Variants in TFDP2 observed in about 807,000 individuals in gnomAD.
TFDP2 encodes the protein transcription factor Dp-2 (E2F dimerization partner 2).
TFDP2 carries 17 observed loss-of-function variants against 59.3 expected under a neutral mutation model. The observed-to-expected ratio is 0.29, with a 90% CI of 0.20 to 0.43. The LOEUF (loss-of-function observed/expected upper bound fraction) is 0.43. Among genes scored for constraint, TFDP2 ranks in the 20% least tolerant of loss-of-function variants. TFDP2 has a pLI of 1.00. For synonymous variants in TFDP2, 180 were observed against 194.7 expected (o/e 0.92, Z 0.63); for missense variants, 391 against 528.8 (o/e 0.74, Z 2.56).
At chr3:142,031,121 A>T (rs1946412722) in intron 3 of TFDP2, among the ~76,000 whole-genome samples, 1 of 152,238 alleles carries the variant, frequency 6.6e-6, no homozygotes, top group African/African-American at 2.4e-5. Context: ...ACAAGTTAAA[A>T]TATAAACTAT....
At chr3:142,138,360 C>G (rs1236617923) in intron 1 of TFDP2, among the ~76,000 whole-genome samples, 3 of 152,118 alleles carry the variant, frequency 2.0e-5, no homozygotes, top group Non-Finnish European at 2.9e-5. Flanking sequence ...TTTTTTGTGT[C>G]TCTATCTCCT....
In TFDP2 at chr3:141,993,549, A is replaced by C. The variant is rs1368408546; in HGVS notation, c.345T>G (p.Asp115Glu). Residue 115 changes from aspartate (D) to glutamate (E), a missense_variant, in exon 6 of 13, where the codon GAT becomes GAG. Around this residue, in one of 3 missense-constraint regions of TFDP2, gnomAD observed 162 missense variants for 206.8 expected, o/e 0.78. Coordinates refer to ENST00000489671, the MANE Select transcript of TFDP2 (RefSeq NM_001178139.2). ...AGACTTATACTCACCTTTCTGAAAA[A>C]TCAGAGTCTATAAATTTTCTAGCCC... is the stretch of plus-strand genomic sequence containing the variant. ...RKRARKFIDS[D>E]FSESKRSKKG... 9 of 1,582,946 alleles carry C rather than the reference A, an allele frequency of 5.7e-6. No homozygotes were observed. The highest frequency in any genetic ancestry group is 7.8e-6 in the Non-Finnish European group (9 of 1,159,566).
At position 142,149,270 on chromosome 3, in the gene TFDP2, G is replaced by T; in HGVS notation, c.-180C>A. On this transcript the variant is annotated 5_prime_UTR_variant, in exon 1 of 13. Coordinates refer to ENST00000489671, the MANE Select transcript of TFDP2 (RefSeq NM_001178139.2). ...CTTCGGGCGCCGCCGCTTCTGTGGCGCCCGCGCTTAGGCGGCGGCCGGGTC... is the reference window on the plus strand; with the variant it reads ...CTTCGGGCGCCGCCGCTTCTGTGGCTCCCGCGCTTAGGCGGCGGCCGGGTC... The T allele has an allele frequency of 2.5e-6, 1 of 396,818 alleles. No homozygotes were observed. Among genetic ancestry groups the T allele is most frequent in the African/African-American group, 2.1e-5 (1 of 48,624 alleles). 24.6% of individuals were successfully genotyped at this position (396,818 alleles called of 1,614,324 possible).
intron 1 of TFDP2, among the ~76,000 whole-genome samples, chr3:142,124,547 C>A (rs1184671429): frequency 6.6e-6 from 1 of 152,100 alleles, no homozygotes; most frequent in Non-Finnish European, 1.5e-5. Flanking sequence ...ATAATTTATA[C>A]CTCACTCAAA....
At chr3:142,086,111 C>G (rs562267416) in intron 3 of TFDP2, among the ~76,000 whole-genome samples, 1 of 152,264 alleles carries the variant, frequency 6.6e-6, no homozygotes, top group South Asian at 2.1e-4. Flanking sequence ...TCAGGATCAC[C>G]TCCACTTCTA....
In TFDP2 at chr3:142,000,997, A is replaced by G. The variant is rs867815016; in HGVS notation, c.186+4444T>C. 9.9e-5 allele frequency among the ~76,000 whole-genome samples: 15 copies of G among 152,142 alleles called. No individual in the cohort carries two copies. The South Asian group carries it at 1.5e-3, about 15-fold the overall frequency. On this transcript the variant is annotated intron_variant, in intron 4 of 12. Coordinates refer to ENST00000489671, the MANE Select transcript of TFDP2 (RefSeq NM_001178139.2). ...CTGGGTTAGAGTTTGAGTCTTCTGC[A>G]TGTGGCTCTCCCAGGCTGGAGTTGC...
At chr3:142,086,745 T>C (rs761433700) in intron 3 of TFDP2, among the ~76,000 whole-genome samples, 1 of 152,064 alleles carries the variant, frequency 6.6e-6, no homozygotes, top group African/African-American at 2.4e-5. Context: ...TATGATTAAT[T>C]ATTAACTCAA....
chr3:141,988,641 AG>A lies in TFDP2; in HGVS notation c.356+4896del, dbSNP rs139187372. Reference sequence around the variant, plus strand: ...CTGTTTTCATGTTTTAATATCTTGAAGAACTGTTTTTAGCAATCTTTTCTTT... The same window carrying A: ...CTGTTTTCATGTTTTAATATCTTGAAAACTGTTTTTAGCAATCTTTTCTTT... On this transcript the variant is annotated intron_variant, in intron 6 of 12. Transcript: ENST00000489671. Among the ~76,000 whole-genome samples the A allele has an allele frequency of 5.5e-3, 835 of 151,690 alleles. 4 individuals are homozygous for A. The highest frequency in any genetic ancestry group is 0.019 in the African/African-American group (788 of 41,442).
chr3:142,101,691 T>C, intron 2 of TFDP2, 44 bp downstream of exon 2: 8 of 1,276,690 alleles, frequency 6.3e-6, no homozygotes, highest in Non-Finnish European at 8.3e-6. Context: ...AAAGCACAGC[T>C]CACTTTAAAC....
At chr3:142,125,531 C>T (rs1298173174) in intron 1 of TFDP2, among the ~76,000 whole-genome samples, 1 of 152,022 alleles carries the variant, frequency 6.6e-6, no homozygotes, top group Non-Finnish European at 1.5e-5. Flanking sequence ...TATATGGATA[C>T]TCACTACAGT....
chr3:141,991,760 A>C (rs780406129), intron 6 of TFDP2, among the ~76,000 whole-genome samples: 1 of 151,978 alleles, frequency 6.6e-6, no homozygotes, highest in Non-Finnish European at 1.5e-5. Flanking sequence ...AAAACAAAAG[A>C]GGCTGGGCGT....
chr3:141,973,123 A>ATATATATATATATATT, intron 8 of TFDP2, among the ~76,000 whole-genome samples: 2 of 58,018 alleles, frequency 3.4e-5, no homozygotes, highest in African/African-American at 1.3e-4. Context: ...ATATATATAT[A>ATATATATATATATATT]TTTTTTTTTT....
intron 1 of TFDP2, among the ~76,000 whole-genome samples, chr3:142,139,251 ATG>A (rs1280731128): frequency 2.0e-5 from 3 of 152,174 alleles, no homozygotes; most frequent in East Asian, 1.9e-4. Flanking sequence ...TTTTGAGCCC[ATG>A]TGTGTCTCTG....
intron 9 of TFDP2, among the ~76,000 whole-genome samples, chr3:141,968,491 T>C (rs1211063008): frequency 1.9e-5 from 2 of 104,952 alleles, no homozygotes; most frequent in Admixed American, 1.2e-4. Context: ...ATATATCTCA[T>C]ATATAGATAT....
intron 3 of TFDP2, among the ~76,000 whole-genome samples, chr3:142,082,379 TA>T (rs2060666316): frequency 6.6e-6 from 1 of 152,148 alleles, no homozygotes; most frequent in African/African-American, 2.4e-5. Context: ...ACAAATGTAA[TA>T]CACTTGAATC....
intron 3 of TFDP2, among the ~76,000 whole-genome samples, chr3:142,006,049 AG>A (rs1431990341): frequency 2.0e-5 from 3 of 152,230 alleles, no homozygotes; most frequent in African/African-American, 7.2e-5. Flanking sequence ...GTAATGCTTT[AG>A]GGTTTTATAA....
At chr3:141,957,296 G>A (rs62283124) in intron 11 of TFDP2, among the ~76,000 whole-genome samples, 1 of 152,176 alleles carries the variant, frequency 6.6e-6, no homozygotes, top group African/African-American at 2.4e-5. Context: ...CAGCTTGGGC[G>A]ACAGAGTGAG....
chr3:142,113,207 ACTTAT>A (rs2061721354), intron 1 of TFDP2, among the ~76,000 whole-genome samples: 1 of 152,210 alleles, frequency 6.6e-6, no homozygotes, highest in African/African-American at 2.4e-5. Flanking sequence ...AAATGTTAAG[ACTTAT>A]CTTTACTTGA....
chr3:142,044,166 G>T, intron 3 of TFDP2: 1 of 534,608 alleles, frequency 1.9e-6, no homozygotes, highest in South Asian at 1.9e-5. Context: ...GGACAGAAGA[G>T]GCGAGCCTCT....
Sources: allele counts gnomAD v4.1 joint callset (sites outside exome capture counted in the v4.1 genomes callset), GRCh38; gene constraint gnomAD v4.1.1; regional missense constraint gnomAD v4.1.1; transcripts MANE v1.5; gene names NCBI Gene and HGNC (gene_info 2026-07-23, HGNC 2026-07-21).